The following CFAP299 variants were observed in gnomAD, a reference collection of about 807,000 sequenced individuals.
CFAP299 encodes cilia and flagella associated protein 299, also known as cilia- and flagella-associated protein 299.
CFAP299 carries 21 observed loss-of-function variants against 27.0 expected under a neutral mutation model. The ratio of observed to expected loss-of-function variants is 0.78; its 90% CI spans 0.55 to 1.12. CFAP299 has a LOEUF of 1.12. Ranked by LOEUF, CFAP299 falls within the 50% of genes most tolerant of loss-of-function variation. CFAP299 has a pLI of 0.00. For synonymous variants in CFAP299, 104 were observed against 98.1 expected, an observed-to-expected ratio of 1.06 and a Z score of -0.36; for missense variants, 310 against 276.6, an observed-to-expected ratio of 1.12 and a Z score of -0.86.
At chr4:80,340,605 A>C (rs1374161901) in intron 1 of CFAP299, among the ~76,000 whole-genome samples, 2 of 152,110 alleles carry the variant, frequency 1.3e-5, no homozygotes, top group African/African-American at 4.8e-5. Flanking sequence ...AGACTGCCTA[A>C]GATGGACAAA....
At chr4:80,835,289 G>A (rs908796961) in intron 3 of CFAP299, among the ~76,000 whole-genome samples, 18 of 151,896 alleles carry the variant, frequency 1.2e-4, no homozygotes, top group Non-Finnish European at 1.9e-4. Context: ...TAGTAGAGAC[G>A]GGGTTTCACC....
chr4:80,643,558 G>A (rs1274718571), intron 3 of CFAP299, among the ~76,000 whole-genome samples: 1 of 152,160 alleles, frequency 6.6e-6, no homozygotes, highest in African/African-American at 2.4e-5. Flanking sequence ...AGAATTTCTA[G>A]AGTAATATCT....
intron 2 of CFAP299, among the ~76,000 whole-genome samples, chr4:80,529,903 G>C (rs1217694125): frequency 1.3e-5 from 2 of 152,068 alleles, no homozygotes; most frequent in African/African-American, 4.8e-5. Context: ...TTAAAAGAGA[G>C]AAGATTTTCC....
At chr4:80,407,847 A>G (rs1199073962) in intron 2 of CFAP299, among the ~76,000 whole-genome samples, 1 of 152,178 alleles carries the variant, frequency 6.6e-6, no homozygotes, top group Non-Finnish European at 1.5e-5. Context: ...AAGTGTTCCT[A>G]AAAAGTATAT....
rs377463947 is a variant in CFAP299, at chr4:80,583,122, A to G, written c.272A>G (p.Gln91Arg). Residue 91 changes from glutamine (Q) to arginine (R), a missense_variant, in exon 3 of 6, where the codon CAA (glutamine) becomes CGA (arginine). Transcript: ENST00000358105. ...KTLTSAGKDL[Q>R]DNFLTALAMR... is the part of the protein sequence containing the mutation. The stretch of plus-strand genomic sequence containing the variant: ...CTAACAAGTGCTGGTAAAGACCTAC[A>G]AGATAATTTTCTGACGGCCCTGGCA... The G allele has an allele frequency of 1.1e-5, 17 of 1,605,568 alleles. No individual in the cohort carries two copies. The highest frequency in any genetic ancestry group is 8.0e-5 in the African/African-American group (6 of 74,584).
At chr4:80,586,871 A>G (rs1736473234) in intron 3 of CFAP299, among the ~76,000 whole-genome samples, 2 of 152,198 alleles carry the variant, frequency 1.3e-5, no homozygotes, top group Admixed American at 6.5e-5. Flanking sequence ...AAACAGTCAC[A>G]TGGATGACTA....
chr4:80,863,643 CA>C (rs1035521226), intron 3 of CFAP299, among the ~76,000 whole-genome samples: 1 of 151,896 alleles, frequency 6.6e-6, no homozygotes, highest in African/African-American at 2.4e-5. Flanking sequence ...CATGGTTAAC[CA>C]AAAACTAGTA....
chr4:80,558,344 T>C (rs976274199), intron 2 of CFAP299, among the ~76,000 whole-genome samples: 1 of 142,732 alleles, frequency 7.0e-6, no homozygotes, highest in Non-Finnish European at 1.5e-5. Flanking sequence ...TGTGGTTTTT[T>C]TGTTTGTTTG....
chr4:80,797,782 TA>T (rs1168322977), intron 3 of CFAP299, among the ~76,000 whole-genome samples: 1 of 152,080 alleles, frequency 6.6e-6, no homozygotes, highest in African/African-American at 2.4e-5. Flanking sequence ...TGAGCAGGTG[TA>T]AAGTGACTAA....
At chr4:80,606,189 G>A (rs999974826) in intron 3 of CFAP299, among the ~76,000 whole-genome samples, 7 of 152,178 alleles carry the variant, frequency 4.6e-5, no homozygotes, top group African/African-American at 1.7e-4. Context: ...TTCTCCAAGA[G>A]TCTCTTATAA....
At chr4:80,905,978 G>T (rs574939901) in intron 4 of CFAP299, among the ~76,000 whole-genome samples, 7 of 152,226 alleles carry the variant, frequency 4.6e-5, no homozygotes, top group African/African-American at 1.7e-4. Flanking sequence ...GTCCCTGAAA[G>T]TCTTAGCACA....
At chr4:80,744,184 A>G (rs1452840792) in intron 3 of CFAP299, among the ~76,000 whole-genome samples, 1 of 152,192 alleles carries the variant, frequency 6.6e-6, no homozygotes, top group East Asian at 1.9e-4. Flanking sequence ...GTTTCTTCAT[A>G]ATAGAAACTT....
At chr4:80,872,727 A>G (rs760796945) in intron 4 of CFAP299, 95 of 172,196 alleles carry the variant, frequency 5.5e-4, no homozygotes, top group Non-Finnish European at 9.5e-4. Flanking sequence ...TATTTATTAG[A>G]TTGGGTATCT....
At chr4:80,478,043 C>A (rs1490929890) in intron 2 of CFAP299, among the ~76,000 whole-genome samples, 1 of 152,180 alleles carries the variant, frequency 6.6e-6, no homozygotes, top group Admixed American at 6.6e-5. Flanking sequence ...CTGTCCTAAA[C>A]TCAAACATTA....
At chr4:80,458,005 G>A (rs1729250408) in intron 2 of CFAP299, among the ~76,000 whole-genome samples, 1 of 152,046 alleles carries the variant, frequency 6.6e-6, no homozygotes, top group Non-Finnish European at 1.5e-5. Flanking sequence ...TTTGGCACCT[G>A]GATCTTAGTT....
chr4:80,492,632 G>A (rs901891879), intron 2 of CFAP299, among the ~76,000 whole-genome samples: 1 of 152,120 alleles, frequency 6.6e-6, no homozygotes, highest in African/African-American at 2.4e-5. Flanking sequence ...ACATTTTCAT[G>A]CATCTAAAAT....
intron 2 of CFAP299, among the ~76,000 whole-genome samples, chr4:80,549,852 C>T (rs1350592835): frequency 1.3e-5 from 2 of 151,900 alleles, no homozygotes; most frequent in African/African-American, 4.8e-5. Context: ...TTGATACATA[C>T]ATTAAACACA....
chr4:80,834,656 T>C (rs1265592410), intron 3 of CFAP299, among the ~76,000 whole-genome samples: 3 of 152,212 alleles, frequency 2.0e-5, no homozygotes, highest in Non-Finnish European at 4.4e-5. Flanking sequence ...AGATTTAGAA[T>C]GTAAGTGTAA....
intron 3 of CFAP299, among the ~76,000 whole-genome samples, chr4:80,792,031 A>T (rs1320048995): frequency 6.6e-6 from 1 of 151,952 alleles, no homozygotes; most frequent in Non-Finnish European, 1.5e-5. Context: ...GTTATAATAA[A>T]ATTTATCTGA....
Sources: allele counts gnomAD v4.1 joint callset (sites outside exome capture counted in the v4.1 genomes callset), GRCh38; gene constraint gnomAD v4.1.1; transcripts MANE v1.5; gene names NCBI Gene and HGNC (gene_info 2026-07-23, HGNC 2026-07-21).